The following ESYT2 variants were observed in gnomAD, a reference collection of about 807,000 sequenced individuals.
The protein encoded by ESYT2 is extended synaptotagmin-2.
ESYT2 carries 54 observed loss-of-function variants against 107.2 expected under a neutral mutation model. The ratio of observed to expected loss-of-function variants is 0.50; its 90% CI spans 0.40 to 0.63. The LOEUF is 0.63. Among genes scored for constraint, ESYT2 ranks in the 30% least tolerant of loss-of-function variants. The pLI, the probability that ESYT2 is intolerant of heterozygous loss-of-function variation, is 0.00. For missense variants in ESYT2, 1,020 were observed against 1,094.5 expected, an observed-to-expected ratio of 0.93 and a Z score of 0.96; for synonymous variants, 491 against 434.1, an observed-to-expected ratio of 1.13 and a Z score of -1.63.
At chr7:158,809,497 A>AAAAC (rs1554425655) in intron 1 of ESYT2, among the ~76,000 whole-genome samples, 1 of 140,532 alleles carries the variant, frequency 7.1e-6, no homozygotes, top group African/African-American at 2.6e-5. Flanking sequence ...AAAAAAAAAA[A>AAAAC]CCAGGGGGGA....
chr7:158,740,657 C>T (rs1351815862), intron 18 of ESYT2, among the ~76,000 whole-genome samples: 3 of 152,080 alleles, frequency 2.0e-5, no homozygotes, highest in African/African-American at 7.2e-5. Flanking sequence ...AAATTGAGCT[C>T]CTGAGAAAAA....
At chr7:158,764,525 CACTTTTTAAAGATGGGAAATTAA>C in intron 9 of ESYT2, 129 bp downstream of exon 9, 15 of 805,340 alleles carry the variant, frequency 1.9e-5, no homozygotes, top group Non-Finnish European at 3.0e-5. Context: ...GAAGGTACGA[CACTTTTTAAAGATGGGAAATTAA>C]ACAAGGAACA....
At chr7:158,827,162 C>CAAAAAAAAAAA (rs34940580) in intron 1 of ESYT2, among the ~76,000 whole-genome samples, 1 of 106,018 alleles carries the variant, frequency 9.4e-6, no homozygotes, top group Non-Finnish European at 2.1e-5. Flanking sequence ...GGCTCTGTCT[C>CAAAAAAAAAAA]AAAAAAAAAA....
At chr7:158,784,153 T>G (rs368105245) in intron 6 of ESYT2, among the ~76,000 whole-genome samples, 6 of 152,138 alleles carry the variant, frequency 3.9e-5, no homozygotes, top group African/African-American at 1.4e-4. Flanking sequence ...CTACTGGGGG[T>G]GGGCAAGACT....
chr7:158,781,408 T>C (rs1419719864), intron 6 of ESYT2, among the ~76,000 whole-genome samples: 3 of 130,728 alleles, frequency 2.3e-5, no homozygotes, highest in Non-Finnish European at 4.9e-5. Flanking sequence ...AAGTGTGAGG[T>C]GTGAGTGTAA....
chr7:158,766,570 C>G (rs1356092215), intron 8 of ESYT2, among the ~76,000 whole-genome samples: 1 of 152,190 alleles, frequency 6.6e-6, no homozygotes, highest in African/African-American at 2.4e-5. Flanking sequence ...CATATTGTTA[C>G]TCTTAAAAAA....
At chr7:158,806,852 A>G (rs1839846089) in intron 1 of ESYT2, among the ~76,000 whole-genome samples, 2 of 152,192 alleles carry the variant, frequency 1.3e-5, no homozygotes, top group Admixed American at 6.5e-5. Flanking sequence ...TTTTATTTTA[A>G]ATTTAAATCA....
rs747098768 is a variant in ESYT2 at position 158,773,399 on chromosome 7, G to GT, written c.748-4dup. The GT allele has an allele frequency of 6.2e-7, 1 of 1,613,990 alleles. No homozygotes were observed. Among genetic ancestry groups the GT allele is most frequent in the Non-Finnish European group, 8.5e-7 (1 of 1,179,972 alleles). On this transcript the variant is annotated splice_polypyrimidine_tract_variant and splice_region_variant and intron_variant, in intron 6 of 22. Transcript: ENST00000275418. ...CCTGTCCAGTTAATTTCTAAAAGCT[G>GT]TTTTAAAACAAGGGCAAAATATTAA... is the stretch of plus-strand genomic sequence containing the variant.
intron 7 of ESYT2, among the ~76,000 whole-genome samples, chr7:158,770,239 G>A (rs1232726471): frequency 6.6e-6 from 1 of 151,958 alleles, no homozygotes; most frequent in Admixed American, 6.6e-5. Flanking sequence ...TGCCATAGCT[G>A]TAATTTATCT....
chr7:158,760,338 GCGA>G (rs1381541594), intron 11 of ESYT2, among the ~76,000 whole-genome samples, 191 bp from the exon 12 acceptor site: 1 of 152,180 alleles, frequency 6.6e-6, no homozygotes, highest in Non-Finnish European at 1.5e-5. Context: ...ACGTTTGGAG[GCGA>G]TGGCAGCAAC....
intron 1 of ESYT2, among the ~76,000 whole-genome samples, chr7:158,822,534 A>T (rs1412073700): frequency 6.6e-6 from 1 of 152,212 alleles, no homozygotes; most frequent in Non-Finnish European, 1.5e-5. Flanking sequence ...GTGCTGAGAT[A>T]GGAGGATCAC....
At chr7:158,765,958 G>C (rs898240206) in intron 8 of ESYT2, among the ~76,000 whole-genome samples, 1 of 152,024 alleles carries the variant, frequency 6.6e-6, no homozygotes, top group Non-Finnish European at 1.5e-5. Context: ...CCAGCACTTT[G>C]GGAGGCCGAG....
At chr7:158,781,419 GA>G (rs1838799329) in intron 6 of ESYT2, among the ~76,000 whole-genome samples, 1 of 71,694 alleles carries the variant, frequency 1.4e-5, no homozygotes, top group Non-Finnish European at 4.0e-5. Context: ...GTGAGTGTAA[GA>G]ACGAGTGAGA....
intron 6 of ESYT2, among the ~76,000 whole-genome samples, 153 bp from the exon 7 acceptor site, chr7:158,773,549 CTT>C (rs987493796): frequency 6.6e-6 from 1 of 152,124 alleles, no homozygotes; most frequent in Non-Finnish European, 1.5e-5. Flanking sequence ...GGACATTTTT[CTT>C]TGGTGGTACG....
At chr7:158,814,138 G>A (rs1343719154) in intron 1 of ESYT2, among the ~76,000 whole-genome samples, 1 of 151,734 alleles carries the variant, frequency 6.6e-6, no homozygotes, top group Non-Finnish European at 1.5e-5. Context: ...GTCGGGCGTG[G>A]TGGTGGACGC....
intron 1 of ESYT2, among the ~76,000 whole-genome samples, chr7:158,827,132 C>T (rs555864093): frequency 1.0e-4 from 15 of 148,006 alleles, no homozygotes; most frequent in African/African-American, 3.5e-4. Context: ...CATTGCACTC[C>T]AGCCTGGGCA....
chr7:158,759,094 C>T (rs1453086159), intron 13 of ESYT2, among the ~76,000 whole-genome samples: 3 of 152,186 alleles, frequency 2.0e-5, no homozygotes, highest in Non-Finnish European at 2.9e-5. Flanking sequence ...AGCTCACGCA[C>T]GGCCCTGCGA....
chr7:158,825,111 G>A (rs1840401089), intron 1 of ESYT2, among the ~76,000 whole-genome samples: 1 of 152,190 alleles, frequency 6.6e-6, no homozygotes, highest in South Asian at 2.1e-4. Context: ...TGGCCAACAT[G>A]GTGAAACCCT....
chr7:158,762,119 A>G (rs780173864), intron 10 of ESYT2, among the ~76,000 whole-genome samples: 8 of 150,616 alleles, frequency 5.3e-5, no homozygotes, highest in Non-Finnish European at 1.2e-4. Flanking sequence ...GTTCCCCTAA[A>G]CCTCCCGTAC....
Sources: gnomAD v4.1 joint callset for allele counts (sites outside exome capture counted in the v4.1 genomes callset) on GRCh38, gnomAD v4.1.1 for gene constraint, MANE v1.5 for transcripts, NCBI Gene and HGNC (gene_info 2026-07-23, HGNC 2026-07-21) for gene names.